The following DNAH14 variants were observed in gnomAD, a reference collection of about 807,000 sequenced individuals.
DNAH14 encodes axonemal beta dynein heavy chain 14.
DNAH14 carries 478 observed loss-of-function variants against 520.9 expected under a neutral mutation model. The observed-to-expected ratio is 0.92, with a 90% CI of 0.85 to 0.99. The LOEUF is 0.99. Among genes scored for constraint, DNAH14 ranks in the 50% least tolerant of loss-of-function variants. DNAH14 has a pLI of 0.00. For synonymous variants in DNAH14, 1,581 were observed against 1,757.2 expected, an observed-to-expected ratio of 0.90 and a Z score of 2.51; for missense variants, 4,831 against 5,234.5, an observed-to-expected ratio of 0.92 and a Z score of 2.38.
At chr1:225,132,103 C>T (rs533212324) in intron 27 of DNAH14, among the ~76,000 whole-genome samples, 11 of 152,040 alleles carry the variant, frequency 7.2e-5, no homozygotes, top group Admixed American at 4.6e-4. Context: ...CTACAGAGAT[C>T]GGTAAACTAT....
At chr1:225,110,077 T>C (rs2076369810) in intron 23 of DNAH14, among the ~76,000 whole-genome samples, 2 of 152,150 alleles carry the variant, frequency 1.3e-5, no homozygotes, top group East Asian at 3.9e-4. Flanking sequence ...TTGTTGACTT[T>C]GGTTTGCATG....
rs537192358 is a variant in DNAH14, at chr1:225,146,326, C to T, written c.4795-778C>T. 2.6e-5 allele frequency among the ~76,000 whole-genome samples: 4 copies of T among 152,300 alleles called. No individual in the cohort carries two copies. The South Asian group carries it at 6.2e-4, about 24-fold the overall frequency. The stretch of plus-strand genomic sequence containing the variant: ...TACATCCTTCTCGGTCTGAGGCTCT[C>T]ACTTACTCATTCCGATTCCCACTTC... On this transcript the variant is annotated intron_variant, in intron 30 of 85. Transcript: ENST00000682510.
At chr1:225,106,478 T>G (rs965248739) in intron 23 of DNAH14, among the ~76,000 whole-genome samples, 7 of 152,236 alleles carry the variant, frequency 4.6e-5, no homozygotes, top group African/African-American at 1.7e-4. Flanking sequence ...CAGAGTGTTT[T>G]CCAACTTGGT....
chr1:225,374,757 C>G lies in DNAH14; in HGVS notation c.12388C>G (p.Leu4130Val). 6.4e-7 allele frequency: 1 copy of G among 1,551,486 alleles called. No individual in the cohort carries two copies. The highest frequency in any genetic ancestry group is 1.2e-5 in the South Asian group (1 of 84,042). The stretch of plus-strand genomic sequence containing the variant: ...CATTTCGTGGCAAGCACTGCGCTAC[C>G]TGATTGGAGAAGTGATTTACGGTGG... ...PSISWQALRY[L>V]IGEVIYGGRV... The change falls in exon 78 of 86, where the codon CTG (leucine) becomes GTG (valine). Residue 4130 changes from leucine to valine, a missense_variant. Physicochemically the swap from Leu to Val is conservative, Grantham distance 32. Coordinates refer to ENST00000682510, the MANE Select transcript of DNAH14 (RefSeq NM_001367479.1).
intron 72 of DNAH14, 77 bp downstream of exon 72, chr1:225,351,960 A>G (rs1346997833): frequency 1.0e-5 from 12 of 1,162,448 alleles, no homozygotes; most frequent in Non-Finnish European, 1.4e-5. Context: ...TAAATGTCGT[A>G]CATTATCTTA....
intron 83 of DNAH14, among the ~76,000 whole-genome samples, chr1:225,390,937 G>A (rs2095901923): frequency 6.6e-6 from 1 of 152,092 alleles, no homozygotes; most frequent in Non-Finnish European, 1.5e-5. Flanking sequence ...GAATGATTCT[G>A]GGGGTGGGGG....
intron 77 of DNAH14, 122 bp downstream of exon 77, chr1:225,368,154 C>T (rs12756111): frequency 0.5 from 435,098 of 870,504 alleles, 115,190 homozygotes; most frequent in Middle Eastern, 0.6. Flanking sequence ...AACTCTATAA[C>T]TAGGCAATAA....
intron 8 of DNAH14, among the ~76,000 whole-genome samples, chr1:224,977,582 T>G (rs1181771863): frequency 6.6e-6 from 1 of 152,168 alleles, no homozygotes; most frequent in Non-Finnish European, 1.5e-5. Context: ...GCATAGATTG[T>G]TCACAGATGT....
chr1:225,296,922 T>A (rs2094021541), intron 55 of DNAH14, among the ~76,000 whole-genome samples: 1 of 152,144 alleles, frequency 6.6e-6, no homozygotes, highest in African/African-American at 2.4e-5. Flanking sequence ...CTCTTTGTCT[T>A]TGAATTTTGA....
intron 62 of DNAH14, 99 bp downstream of exon 62, chr1:225,322,922 A>G: frequency 8.3e-7 from 1 of 1,210,544 alleles, no homozygotes; most frequent in Non-Finnish European, 1.1e-6. Context: ...AGATGGAGAG[A>G]CTATTTTCTA....
At chr1:225,191,787 C>A (rs1393715287) in intron 37 of DNAH14, among the ~76,000 whole-genome samples, 1 of 151,826 alleles carries the variant, frequency 6.6e-6, no homozygotes, top group Non-Finnish European at 1.5e-5. Flanking sequence ...GCTTCCCTGT[C>A]TTCAGGTTTG....
intron 20 of DNAH14, 31 bp from the exon 21 acceptor site, chr1:225,085,513 T>C: frequency 6.6e-7 from 1 of 1,511,306 alleles, no homozygotes; most frequent in Non-Finnish European, 8.9e-7. Flanking sequence ...TTTGCTATAC[T>C]GGATACTAAA....
chr1:224,969,008 T>A, intron 7 of DNAH14, 134 bp downstream of exon 7: 1 of 570,468 alleles, frequency 1.8e-6, no homozygotes, highest in Non-Finnish European at 3.0e-6. Context: ...AAAAATTTTT[T>A]ACGGAACACC....
chr1:225,293,379 C>T (rs12028345), intron 55 of DNAH14, among the ~76,000 whole-genome samples: 47,158 of 151,956 alleles, frequency 0.31, 8,121 homozygotes, highest in East Asian at 0.44. Context: ...ATGTGTATGT[C>T]ACTGCAGCAC....
intron 49 of DNAH14, 129 bp from the exon 50 acceptor site, chr1:225,270,606 T>A: frequency 1.4e-6 from 1 of 726,220 alleles, no homozygotes; most frequent in East Asian, 3.1e-5. Context: ...GTTTTTGCAA[T>A]AAATAGTAAT....
intron 41 of DNAH14, among the ~76,000 whole-genome samples, chr1:225,223,946 C>A (rs1356185329): frequency 6.6e-6 from 1 of 152,142 alleles, no homozygotes; most frequent in Non-Finnish European, 1.5e-5. Flanking sequence ...AGTTTATATG[C>A]TTCCATTCTA....
intron 54 of DNAH14, among the ~76,000 whole-genome samples, chr1:225,283,698 A>G (rs1356453333): frequency 6.6e-6 from 1 of 152,170 alleles, no homozygotes; most frequent in Non-Finnish European, 1.5e-5. Context: ...AATTGACATG[A>G]TAGAAGACTC....
At chr1:224,969,629 T>G (rs2061387075) in intron 7 of DNAH14, 1 of 264,592 alleles carries the variant, frequency 3.8e-6, no homozygotes, top group Admixed American at 5.6e-5. Context: ...TGGTTTTTGT[T>G]GCAGGAAGTC....
rs1454636445 is a variant in DNAH14, at chr1:225,367,827, G to T, written c.12113G>T (p.Gly4038Val). 2 of 1,551,216 alleles carry T rather than the reference G, an allele frequency of 1.3e-6. No homozygotes were observed. Among genetic ancestry groups the T allele is most frequent in the Admixed American group, 2.0e-5 (1 of 50,992 alleles). Residue 4038 changes from glycine (G) to valine (V), a missense_variant, in exon 77 of 86, where the codon GGA becomes GTA. Transcript: ENST00000682510. ...AAGATTGCCGTGGAATCTCCCCAGG[G>T]ATTGAAAAGTAACTTACTTCAGACA... Reference protein sequence around the residue: ...GLKIAVESPQGLKSNLLQTFG... With the variant: ...GLKIAVESPQVLKSNLLQTFG...
Sources: allele counts gnomAD v4.1 joint callset (sites outside exome capture counted in the v4.1 genomes callset), GRCh38; gene constraint gnomAD v4.1.1; transcripts MANE v1.5; gene names NCBI Gene and HGNC (gene_info 2026-07-23, HGNC 2026-07-21).